The following NKAIN3 variants were observed in gnomAD, a reference collection of about 807,000 sequenced individuals.
NKAIN3 encodes sodium/potassium transporting ATPase interacting 3, also known as sodium/potassium-transporting ATPase subunit beta-1-interacting protein 3.
Under a neutral mutation model 30.2 loss-of-function variants are expected in NKAIN3, and 25 were observed. That is an observed-to-expected ratio of 0.83 (90% confidence interval 0.60 to 1.16). NKAIN3 has a LOEUF of 1.16. Among genes scored for constraint, NKAIN3 ranks in the 50% most tolerant of loss-of-function variants. NKAIN3 has a pLI of 0.00. For missense variants in NKAIN3, 225 were observed against 254.1 expected (o/e 0.89, Z 0.78); for synonymous variants, 91 against 89.6 (o/e 1.02, Z -0.09).
intron 4 of NKAIN3, among the ~76,000 whole-genome samples, chr8:62,883,335 T>C (rs1821045174): frequency 6.6e-6 from 1 of 151,824 alleles, no homozygotes; most frequent in African/African-American, 2.4e-5. Context: ...AATGGTATTG[T>C]GTTTTTAATT....
At chr8:62,929,144 C>T (rs1468437333) in intron 5 of NKAIN3, among the ~76,000 whole-genome samples, 1 of 152,160 alleles carries the variant, frequency 6.6e-6, no homozygotes, top group African/African-American at 2.4e-5. Flanking sequence ...GGAAAGCCTT[C>T]CAGCCAAAAC....
chr8:62,609,629 G>A (rs976901786), intron 3 of NKAIN3, among the ~76,000 whole-genome samples: 11 of 152,148 alleles, frequency 7.2e-5, no homozygotes, highest in Admixed American at 2.6e-4. Flanking sequence ...CACTATAATT[G>A]CTTGTTGTAT....
At chr8:62,410,564 G>A (rs773116629) in intron 1 of NKAIN3, among the ~76,000 whole-genome samples, 1 of 151,874 alleles carries the variant, frequency 6.6e-6, no homozygotes, top group African/African-American at 2.4e-5. Flanking sequence ...GTGAAACCAA[G>A]AATTGGTACT....
intron 3 of NKAIN3, among the ~76,000 whole-genome samples, chr8:62,628,539 A>C (rs1446300716): frequency 6.6e-6 from 1 of 152,100 alleles, no homozygotes; most frequent in African/African-American, 2.4e-5. Context: ...GTTACTTCTT[A>C]TTATACAATG....
chr8:62,829,181 G>C (rs10504355), intron 4 of NKAIN3, among the ~76,000 whole-genome samples: 1,550 of 152,254 alleles, frequency 0.01, 14 homozygotes, highest in South Asian at 0.056. Context: ...ATGAGTTATT[G>C]CCTTAATGCA....
rs563737679 is a variant in NKAIN3 at position 62,926,169 on chromosome 8, G to GA, written c.532+7663dup. On this transcript the variant is annotated intron_variant, in intron 5 of 6. Coordinates refer to ENST00000623646, the MANE Select transcript of NKAIN3 (RefSeq NM_001304533.3). ...CGTGACACCCTGGATGCACAGCAAA[G>GA]AAAAAAATGGACTGTAAGGATTTCA... Among the ~76,000 whole-genome samples the GA allele has an allele frequency of 1.4e-4, 21 of 152,052 alleles. No individual in the cohort carries two copies. The South Asian group carries it at 2.7e-3, about 20-fold the overall frequency.
chr8:62,852,107 C>T lies in NKAIN3; in HGVS notation c.472-66346C>T, dbSNP rs186278409. Among the ~76,000 whole-genome samples, 1,497 of 152,196 alleles carry T rather than the reference C, an allele frequency of 9.8e-3. 14 individuals are homozygous for T. The highest frequency in any genetic ancestry group is 0.055 in the South Asian group (267 of 4,822). ...TCCTGGACTTTTTTTGGTTGGTAAG[C>T]TATTAATTGTTGCCTCAATTTCAGA... On this transcript the variant is annotated intron_variant, in intron 4 of 6. Coordinates refer to ENST00000623646, the MANE Select transcript of NKAIN3 (RefSeq NM_001304533.3).
intron 5 of NKAIN3, among the ~76,000 whole-genome samples, chr8:62,934,379 TA>T (rs5891885): frequency 0.3 from 44,728 of 150,804 alleles, 7,056 homozygotes; most frequent in Non-Finnish European, 0.36. Context: ...CCCTGTCTCT[TA>T]AAAAAAAAAA....
intron 4 of NKAIN3, among the ~76,000 whole-genome samples, chr8:62,778,138 C>G (rs1016950093): frequency 6.6e-6 from 1 of 152,090 alleles, no homozygotes; most frequent in African/African-American, 2.4e-5. Context: ...GGAGACTGTG[C>G]TGGATCAAAC....
intron 5 of NKAIN3, among the ~76,000 whole-genome samples, chr8:62,919,883 C>T (rs1464218291): frequency 2.7e-5 from 4 of 146,624 alleles, no homozygotes; most frequent in African/African-American, 1.0e-4. Flanking sequence ...CAAATTGCAT[C>T]ATGTATTTAA....
intron 1 of NKAIN3, among the ~76,000 whole-genome samples, chr8:62,362,585 A>G (rs1401980528): frequency 6.6e-6 from 1 of 152,234 alleles, no homozygotes; most frequent in Non-Finnish European, 1.5e-5. Context: ...ACAGTACACC[A>G]ACAGCAGCAA....
intron 1 of NKAIN3, among the ~76,000 whole-genome samples, chr8:62,436,781 T>C (rs906862844): frequency 2.6e-5 from 4 of 152,120 alleles, no homozygotes. Flanking sequence ...GGAGTCAATG[T>C]GATGTCCTAG....
chr8:62,706,550 G>A (rs1415946318), intron 3 of NKAIN3, among the ~76,000 whole-genome samples: 2 of 151,870 alleles, frequency 1.3e-5, no homozygotes, highest in Non-Finnish European at 2.9e-5. Context: ...GCCCTTTACT[G>A]CTCCTGATTT....
At chr8:62,445,412 A>G (rs1241327214) in intron 1 of NKAIN3, among the ~76,000 whole-genome samples, 2 of 151,232 alleles carry the variant, frequency 1.3e-5, no homozygotes, top group African/African-American at 4.9e-5. Context: ...AGCTCCTTAT[A>G]TTATACCCAT....
At chr8:62,759,685 G>C (rs1469649132) in intron 4 of NKAIN3, among the ~76,000 whole-genome samples, 1 of 152,136 alleles carries the variant, frequency 6.6e-6, no homozygotes. Context: ...GGGAAATAAT[G>C]ATTAGAAAGT....
In NKAIN3 at chr8:62,564,220, T is replaced by A. The variant is rs182682688; in HGVS notation, c.55-15319T>A. On this transcript the variant is annotated intron_variant, in intron 1 of 6. Coordinates refer to ENST00000623646, the MANE Select transcript of NKAIN3 (RefSeq NM_001304533.3). ...ATGATTGTCCTTTAGATACTAATTT[T>A]AAAAATATTAACACAAGGTCCCTCC... is the stretch of plus-strand genomic sequence containing the variant. Among the ~76,000 whole-genome samples, 5 of 152,276 alleles carry A rather than the reference T, an allele frequency of 3.3e-5. No homozygotes were observed. In the East Asian group the frequency reaches 9.7e-4, roughly 29 times the overall value.
intron 1 of NKAIN3, among the ~76,000 whole-genome samples, chr8:62,345,895 C>A (rs1563943227): frequency 6.6e-6 from 1 of 151,908 alleles, no homozygotes; most frequent in Non-Finnish European, 1.5e-5. Context: ...AGCCATGAAA[C>A]AGAATGAAAT....
At chr8:62,271,949 C>T (rs1316879023) in intron 1 of NKAIN3, among the ~76,000 whole-genome samples, 1 of 152,114 alleles carries the variant, frequency 6.6e-6, no homozygotes, top group Non-Finnish European at 1.5e-5. Flanking sequence ...TTACGTAGCT[C>T]AGCTGAACAG....
intron 1 of NKAIN3, among the ~76,000 whole-genome samples, chr8:62,470,951 G>A (rs1440314025): frequency 5.3e-5 from 8 of 151,782 alleles, no homozygotes; most frequent in African/African-American, 1.9e-4. Flanking sequence ...TGTAAACATT[G>A]TACAACAGAG....
Sources: gnomAD v4.1 joint callset for allele counts (sites outside exome capture counted in the v4.1 genomes callset) on GRCh38, gnomAD v4.1.1 for gene constraint, MANE v1.5 for transcripts, NCBI Gene and HGNC (gene_info 2026-07-23, HGNC 2026-07-21) for gene names.